Variants in ATAD3B observed in about 807,000 individuals in gnomAD.
The protein encoded by ATAD3B is ATPase family AAA domain-containing protein 3B.
ATAD3B carries 59 observed loss-of-function variants against 70.2 expected under a neutral mutation model. The ratio of observed to expected loss-of-function variants is 0.84; its 90% CI spans 0.68 to 1.04. The LOEUF (loss-of-function observed/expected upper bound fraction) is 1.04, where lower values mean the gene tolerates loss of function less well. ATAD3B is among the 50% of genes least tolerant of loss of function. The pLI is 0.00. For missense variants in ATAD3B, 961 were observed against 913.4 expected, an observed-to-expected ratio of 1.05 and a Z score of -0.67; for synonymous variants, 423 against 388.6, an observed-to-expected ratio of 1.09 and a Z score of -1.04.
the ATAD3B span, chr1:1,503,640 G>A: frequency 6.2e-7 from 1 of 1,612,092 alleles, no homozygotes; most frequent in Non-Finnish European, 8.5e-7. Context: ...CGCTGCAGTT[G>A]GAGCAACAGT....
chr1:1,501,407 A>T (rs1389704042), downstream of ATAD3B, among the ~76,000 whole-genome samples: 1 of 152,106 alleles, frequency 6.6e-6, no homozygotes, highest in Non-Finnish European at 1.5e-5. Flanking sequence ...GGCGCCTGCC[A>T]CCACGCCCAG....
rs571908064 is a variant in ATAD3B at position 1,493,536 on chromosome 1, C to T, written c.1615-1949C>T. ...TTCACCATGTTGGCCAGGCTGGTCT[C>T]GAACTCCTGACGTCAGGTGACCTGC... On this transcript the variant is annotated intron_variant, in intron 15 of 15. Transcript: ENST00000673477. Among the ~76,000 whole-genome samples, 4 of 151,884 alleles carry T rather than the reference C, an allele frequency of 2.6e-5. No homozygotes were observed. In the East Asian group the frequency reaches 5.8e-4, roughly 22 times the overall value.
chr1:1,495,542 G>T lies in ATAD3B; in HGVS notation c.1672G>T (p.Val558Leu). 1.2e-6 allele frequency: 2 copies of T among 1,613,022 alleles called. No homozygotes were observed. The highest frequency in any genetic ancestry group is 1.7e-6 in the Non-Finnish European group (2 of 1,179,316). Reference protein sequence around the residue: ...VLTEAMMDACVQDAVQQYRQK... With the variant: ...VLTEAMMDACLQDAVQQYRQK... ...CACTGAGGCCATGATGGACGCCTGT[G>T]TGCAAGATGCTGTCCAGCAGTACCG... is the stretch of plus-strand genomic sequence containing the variant. Residue 558 changes from valine to leucine, a missense_variant, in exon 16 of 16, where the codon GTG becomes TTG. Around this residue, in one of 4 missense-constraint regions of ATAD3B, gnomAD observed 417 missense variants for 335.0 expected, o/e 1.24. Coordinates refer to ENST00000673477, the MANE Select transcript of ATAD3B (RefSeq NM_031921.6).
chr1:1,482,443 G>A, intron 6 of ATAD3B, 102 bp from the exon 7 acceptor site: 2 of 1,602,152 alleles, frequency 1.2e-6, no homozygotes, highest in Admixed American at 1.7e-5. Flanking sequence ...CTCTGTCCTG[G>A]CAAGGCCGTG....
At chr1:1,480,548 G>C (rs1327894307) in intron 4 of ATAD3B, among the ~76,000 whole-genome samples, 2 of 147,802 alleles carry the variant, frequency 1.4e-5, no homozygotes, top group Admixed American at 6.9e-5. Flanking sequence ...TTAATTGGCG[G>C]AAGACAGAAG....
At chr1:1,472,564 C>T (rs1639386123) in intron 1 of ATAD3B, among the ~76,000 whole-genome samples, 1 of 151,946 alleles carries the variant, frequency 6.6e-6, no homozygotes, top group Non-Finnish European at 1.5e-5. Flanking sequence ...TGTTGGAAGA[C>T]GTTAGCATTT....
downstream of ATAD3B, among the ~76,000 whole-genome samples, chr1:1,499,679 C>T (rs185503822): frequency 6.7e-5 from 10 of 149,702 alleles, no homozygotes; most frequent in Non-Finnish European, 1.2e-4. Flanking sequence ...CTGCAACCTC[C>T]GCCTGCCGGG....
At chr1:1,503,791 C>T in the ATAD3B span, 8 of 1,360,630 alleles carry the variant, frequency 5.9e-6, no homozygotes, top group Non-Finnish European at 8.1e-6. Flanking sequence ...CAGGGCCGAG[C>T]TTGGGCGCCT....
rs1374117785 is a variant in ATAD3B, at chr1:1,479,562, G to A, written c.444+454G>A. On this transcript the variant is annotated intron_variant, in intron 4 of 15. Coordinates refer to ENST00000673477, the MANE Select transcript of ATAD3B (RefSeq NM_031921.6). Reference sequence around the variant, plus strand: ...ACACGGGCACGCACACACACACCCCGCCACAACACAGGCACACATACCCCT... The same window carrying A: ...ACACGGGCACGCACACACACACCCCACCACAACACAGGCACACATACCCCT... Among the ~76,000 whole-genome samples, 19 of 129,920 alleles carry A rather than the reference G, an allele frequency of 1.5e-4. 3 individuals carry two copies. Among genetic ancestry groups the A allele is most frequent in the African/African-American group, 5.4e-4 (18 of 33,308 alleles). 85.2% of individuals were successfully genotyped at this position (129,920 alleles called of 152,430 possible). A position where few individuals can be genotyped will look rare whatever the true frequency, so the allele number is the denominator to read the frequency against.
intron 2 of ATAD3B, 101 bp downstream of exon 2, chr1:1,477,451 C>G: frequency 6.4e-7 from 1 of 1,566,208 alleles, no homozygotes; most frequent in Non-Finnish European, 8.7e-7. Context: ...GGGGCGTGTA[C>G]ATGGGCAGCA....
At chr1:1,477,525 G>A (rs1001768570) in intron 2 of ATAD3B, among the ~76,000 whole-genome samples, 175 bp downstream of exon 2, 9 of 151,882 alleles carry the variant, frequency 5.9e-5, no homozygotes, top group Middle Eastern at 3.2e-3. Flanking sequence ...GGTGAGAGAC[G>A]CTGCCGCAGA....
downstream of ATAD3B, among the ~76,000 whole-genome samples, chr1:1,500,856 C>A (rs1004110577): frequency 6.6e-6 from 1 of 151,662 alleles, no homozygotes; most frequent in Non-Finnish European, 1.5e-5. Flanking sequence ...ACTTGGGAGG[C>A]TGAGGCAGGA....
At chr1:1,487,763 G>A (rs1640304547) in intron 11 of ATAD3B, 100 bp from the exon 12 acceptor site, 1 of 1,433,392 alleles carries the variant, frequency 7.0e-7, no homozygotes, top group Non-Finnish European at 9.8e-7. Context: ...CTGACCCCGT[G>A]GGGATCTGCC....
At chr1:1,489,115 C>T (rs1283432166) in intron 12 of ATAD3B, 89 bp from the exon 13 acceptor site, 1 of 1,600,706 alleles carries the variant, frequency 6.2e-7, no homozygotes, top group Non-Finnish European at 8.5e-7. Context: ...TCCCTGCTCC[C>T]TGCAGGAGGG....
chr1:1,487,052 C>CAT (rs1195964239), intron 11 of ATAD3B, among the ~76,000 whole-genome samples: 2 of 151,928 alleles, frequency 1.3e-5, no homozygotes, highest in Non-Finnish European at 2.9e-5. Flanking sequence ...CTGAAGACAG[C>CAT]ATGGCACACT....
chr1:1,506,787 CTTT>C, the ATAD3B span, among the ~76,000 whole-genome samples: 3 of 120,032 alleles, frequency 2.5e-5, no homozygotes, highest in African/African-American at 6.3e-5. Flanking sequence ...TTTCTTTTTT[CTTT>C]TTTTTTTTTT....
intron 1 of ATAD3B, among the ~76,000 whole-genome samples, chr1:1,477,043 C>A (rs1232504226): frequency 6.6e-6 from 1 of 151,822 alleles, no homozygotes; most frequent in East Asian, 1.9e-4. Context: ...TTTCTTAAGT[C>A]TCACTCTGTC....
the ATAD3B span, among the ~76,000 whole-genome samples, chr1:1,507,069 G>A: frequency 6.6e-6 from 1 of 152,188 alleles, no homozygotes; most frequent in South Asian, 2.1e-4. Flanking sequence ...TTACAGGCGT[G>A]AGCCACCGCC....
At chr1:1,499,531 CATAGATAGATA>C (rs1640895970), downstream of ATAD3B, among the ~76,000 whole-genome samples, 1 of 150,418 alleles carries the variant, frequency 6.6e-6, no homozygotes, top group Non-Finnish European at 1.5e-5. Context: ...CGTGCCCAGC[CATAGATAGATA>C]TTATGTCTTC....
Sources: gnomAD v4.1 joint callset for allele counts (sites outside exome capture counted in the v4.1 genomes callset) on GRCh38, gnomAD v4.1.1 for gene constraint, gnomAD v4.1.1 regional missense constraint, MANE v1.5 for transcripts, NCBI Gene and HGNC (gene_info 2026-07-23, HGNC 2026-07-21) for gene names.